The following TBC1D21 variants were observed in gnomAD, a reference collection of about 807,000 sequenced individuals.
TBC1D21 encodes male germ cell Rab GTPase-activating protein.
A neutral mutation model predicts 46.0 loss-of-function variants in TBC1D21; 38 were observed. The observed-to-expected ratio is 0.83, with a 90% CI of 0.64 to 1.08. TBC1D21 has a LOEUF of 1.08. Among genes scored for constraint, TBC1D21 ranks in the 50% least tolerant of loss-of-function variants. The pLI, the probability that TBC1D21 is intolerant of heterozygous loss-of-function variation, is 0.00. For synonymous variants in TBC1D21, 151 were observed against 157.2 expected, an observed-to-expected ratio of 0.96 and a Z score of 0.29; for missense variants, 415 against 417.9, an observed-to-expected ratio of 0.99 and a Z score of 0.06.
downstream of TBC1D21, among the ~76,000 whole-genome samples, chr15:73,890,810 T>A (rs1402497106): frequency 6.6e-6 from 1 of 152,156 alleles, no homozygotes; most frequent in Non-Finnish European, 1.5e-5. Context: ...ACACAGTCCT[T>A]CCCAGGAGCC....
chr15:73,886,261 G>A (rs36015799), intron 7 of TBC1D21, 87 bp downstream of exon 7: 17,189 of 1,215,810 alleles, frequency 0.014, 178 homozygotes, highest in Non-Finnish European at 0.019. Context: ...CTAATCATGG[G>A]GGGGCTGGAG....
At position 73,881,474 on chromosome 15, in the gene TBC1D21, C is replaced by A. The variant is rs750336017; in HGVS notation, c.136C>A (p.Arg46=). Residue 46 remains arginine, a synonymous_variant, in exon 2 of 11, where the codon CGG becomes AGG. Transcript: ENST00000300504. ...FDESGHLAKS[R]DFICVNILER... ...TGAGAGTGGCCACTTGGCCAAATCA[C>A]GGGACTTCATTTGTGTTAACATCCT... is the stretch of plus-strand genomic sequence containing the variant. 7 of 1,614,188 alleles carry A rather than the reference C, an allele frequency of 4.3e-6. No homozygotes were observed. Among genetic ancestry groups the A allele is most frequent in the Non-Finnish European group, 5.1e-6 (6 of 1,180,018 alleles).
intron 7 of TBC1D21, 66 bp from the exon 8 acceptor site, chr15:73,886,446 T>C (rs547001500): frequency 6.9e-7 from 1 of 1,450,560 alleles, no homozygotes; most frequent in East Asian, 2.3e-5. Context: ...TTTGGCCTCA[T>C]CTGCATGTGT....
the TBC1D21 span, among the ~76,000 whole-genome samples, chr15:73,895,114 T>C: frequency 6.6e-6 from 1 of 152,050 alleles, no homozygotes; most frequent in Non-Finnish European, 1.5e-5. Context: ...TATCTAGGGG[T>C]GGGGCCAGGG....
the TBC1D21 span, among the ~76,000 whole-genome samples, chr15:73,895,786 C>G: frequency 4.6e-5 from 7 of 152,184 alleles, no homozygotes; most frequent in Non-Finnish European, 4.4e-5. Flanking sequence ...AGGGTCAGCT[C>G]TCAGGTCAAG....
intron 7 of TBC1D21, 138 bp downstream of exon 7, chr15:73,886,312 G>A (rs923864589): frequency 1.1e-6 from 1 of 893,242 alleles, no homozygotes; most frequent in African/African-American, 1.7e-5. Context: ...GCCCTGGGAA[G>A]AGGGTTATCT....
At chr15:73,906,330 A>G in the TBC1D21 span, among the ~76,000 whole-genome samples, 4 of 151,918 alleles carry the variant, frequency 2.6e-5, no homozygotes, top group Non-Finnish European at 5.9e-5. Context: ...GGCTGGAGAG[A>G]ACTATGGAAG....
chr15:73,876,091 G>C (rs1231571719), intron 1 of TBC1D21, among the ~76,000 whole-genome samples: 1 of 151,220 alleles, frequency 6.6e-6, no homozygotes, highest in Non-Finnish European at 1.5e-5. Context: ...GTCTGAGATA[G>C]TCTTGTGGGT....
chr15:73,898,890 T>A, the TBC1D21 span, among the ~76,000 whole-genome samples: 908 of 107,796 alleles, frequency 8.4e-3, 9 homozygotes, highest in African/African-American at 0.026. Context: ...AATATATATA[T>A]ATATATATAT....
At chr15:73,877,378 A>G (rs2068084251) in intron 1 of TBC1D21, among the ~76,000 whole-genome samples, 1 of 151,956 alleles carries the variant, frequency 6.6e-6, no homozygotes, top group African/African-American at 2.4e-5. Context: ...ACTCCATCCT[A>G]ATATCTAATA....
chr15:73,873,921 C>CTGTCCTTGGGCTG, intron 1 of TBC1D21, 152 bp downstream of exon 1: 1 of 856,136 alleles, frequency 1.2e-6, no homozygotes, highest in Non-Finnish European at 1.9e-6. Context: ...ACCATCAGCC[C>CTGTCCTTGGGCTG]AAGGACAGGA....
chr15:73,888,705 CTCT>C (rs377385550), intron 10 of TBC1D21, among the ~76,000 whole-genome samples, 192 bp downstream of exon 10: 1 of 150,776 alleles, frequency 6.6e-6, no homozygotes, highest in African/African-American at 2.4e-5. Flanking sequence ...CGTACTCCTC[CTCT>C]TCTTCCTTCT....
At chr15:73,882,876 G>A (rs1281631327) in intron 3 of TBC1D21, among the ~76,000 whole-genome samples, 1 of 152,194 alleles carries the variant, frequency 6.6e-6, no homozygotes, top group African/African-American at 2.4e-5. Flanking sequence ...ATGACCCTGG[G>A]CACTTGGTCC....
chr15:73,880,908 G>A (rs1174432335), intron 1 of TBC1D21, among the ~76,000 whole-genome samples: 2 of 152,096 alleles, frequency 1.3e-5, no homozygotes, highest in African/African-American at 2.4e-5. Flanking sequence ...AGTAGTCAAT[G>A]CATTATATAT....
chr15:73,875,437 T>TA (rs2068044483), intron 1 of TBC1D21, among the ~76,000 whole-genome samples: 1 of 151,226 alleles, frequency 6.6e-6, no homozygotes. Flanking sequence ...AAAACCCTCA[T>TA]AAAAAGTTTT....
At chr15:73,883,827 G>C (rs2068195756) in intron 3 of TBC1D21, among the ~76,000 whole-genome samples, 1 of 152,216 alleles carries the variant, frequency 6.6e-6, no homozygotes, top group Non-Finnish European at 1.5e-5. Context: ...GGAAACTGAG[G>C]CTTAGAGATG....
At position 73,876,199 on chromosome 15, in the gene TBC1D21, GTTTTT is replaced by G. The variant is rs539517539; in HGVS notation, c.60+2472_60+2476del. On this transcript the variant is annotated intron_variant, in intron 1 of 10. Transcript: ENST00000300504. ...GAAGAATCAGTGACTTTTTTTGTGGGTTTTTTTTTTTTTTTTTTTTTTTTTTTTTT... is the reference window on the plus strand; with the variant it reads ...GAAGAATCAGTGACTTTTTTTGTGGGTTTTTTTTTTTTTTTTTTTTTTTTT... Among the ~76,000 whole-genome samples the G allele has an allele frequency of 9.0e-3, 254 of 28,318 alleles. 56 individuals carry two copies. Among genetic ancestry groups the G allele is most frequent in the Non-Finnish European group, 0.024 (128 of 5,336 alleles). 18.6% of individuals were successfully genotyped at this position (28,318 alleles called of 152,430 possible).
intron 10 of TBC1D21, 140 bp from the exon 11 acceptor site, chr15:73,888,929 G>A (rs2068309931): frequency 2.1e-6 from 2 of 954,432 alleles, no homozygotes; most frequent in Non-Finnish European, 3.3e-6. Flanking sequence ...TTGAGAGCAG[G>A]GCCCTCATCC....
downstream of TBC1D21, among the ~76,000 whole-genome samples, chr15:73,892,335 G>A (rs1293058074): frequency 7.9e-5 from 12 of 152,214 alleles, no homozygotes; most frequent in African/African-American, 1.4e-4. Flanking sequence ...ATAACACAAA[G>A]AGGGCTGAAA....
Sources: gnomAD v4.1 joint callset for allele counts (sites outside exome capture counted in the v4.1 genomes callset) on GRCh38, gnomAD v4.1.1 for gene constraint, MANE v1.5 for transcripts, NCBI Gene and HGNC (gene_info 2026-07-23, HGNC 2026-07-21) for gene names.